Variants in LRRC7 observed in about 807,000 individuals in gnomAD.
The protein encoded by LRRC7 is leucine-rich repeat-containing protein 7.
LRRC7 carries 23 observed loss-of-function variants against 175.7 expected under a neutral mutation model. That is an observed-to-expected ratio of 0.13 (90% CI 0.09 to 0.19). The LOEUF (loss-of-function observed/expected upper bound fraction) is 0.19, where lower values mean the gene tolerates loss of function less well. Ranked by LOEUF, LRRC7 falls within the 10% of genes least tolerant of loss-of-function variation. LRRC7 has a pLI of 1.00. For synonymous variants in LRRC7, 685 were observed against 680.9 expected, an observed-to-expected ratio of 1.01 and a Z score of -0.09; for missense variants, 1,354 against 1,904.7, an observed-to-expected ratio of 0.71 and a Z score of 5.38.
At chr1:69,959,409 A>G (rs1244340695) in intron 8 of LRRC7, among the ~76,000 whole-genome samples, 1 of 152,106 alleles carries the variant, frequency 6.6e-6, no homozygotes, top group African/African-American at 2.4e-5. Flanking sequence ...TGGCAGAGGA[A>G]TTCTAGGATA....
chr1:69,729,761 C>T (rs1667363233), intron 2 of LRRC7, among the ~76,000 whole-genome samples: 1 of 152,168 alleles, frequency 6.6e-6, no homozygotes, highest in Non-Finnish European at 1.5e-5. Flanking sequence ...GACAGTGGCC[C>T]ACTTCTCACA....
chr1:70,053,015 T>C lies in LRRC7; in HGVS notation c.4111-11T>C. On this transcript the variant is annotated splice_polypyrimidine_tract_variant and intron_variant, in intron 22 of 26. Coordinates refer to ENST00000651989, the MANE Select transcript of LRRC7 (RefSeq NM_001370785.2). Reference sequence around the variant, plus strand: ...ACATCACTAAAGAATGCCATACCATTTTTGCAATAGACCCCGTCCCAGCAA... The same window carrying C: ...ACATCACTAAAGAATGCCATACCATCTTTGCAATAGACCCCGTCCCAGCAA... 6.3e-7 allele frequency: 1 copy of C among 1,590,270 alleles called. No homozygotes were observed. The highest frequency in any genetic ancestry group is 8.6e-7 in the Non-Finnish European group (1 of 1,168,950).
chr1:70,012,114 C>T (rs1191715615), intron 12 of LRRC7, among the ~76,000 whole-genome samples, 188 bp downstream of exon 12: 1 of 151,652 alleles, frequency 6.6e-6, no homozygotes, highest in African/African-American at 2.4e-5. Flanking sequence ...CCAGAAATTG[C>T]ATTTGACTTA....
At chr1:70,079,702 G>T (rs1355777209) in intron 24 of LRRC7, among the ~76,000 whole-genome samples, 1 of 152,158 alleles carries the variant, frequency 6.6e-6, no homozygotes, top group African/African-American at 2.4e-5. Context: ...TCACACACAG[G>T]TCTGGCATCA....
intron 1 of LRRC7, among the ~76,000 whole-genome samples, chr1:69,624,508 T>A (rs1415880173): frequency 1.3e-5 from 2 of 152,114 alleles, no homozygotes; most frequent in African/African-American, 4.8e-5. Context: ...AGGGTTAAAT[T>A]TTTTTAATAT....
chr1:69,659,946 G>C lies in LRRC7; in HGVS notation c.3-18435G>C, dbSNP rs980579366. Among the ~76,000 whole-genome samples, 16 of 140,946 alleles carry C rather than the reference G, an allele frequency of 1.1e-4. No individual in the cohort carries two copies. In the East Asian group the frequency reaches 3.6e-3, roughly 32 times the overall value. 92.5% of individuals were successfully genotyped at this position (140,946 alleles called of 152,430 possible). ...AATCTGTATAAATAGCACAAAATAA[G>C]ATAGTAGACTTAAATTCAAGTTATC... On this transcript the variant is annotated intron_variant, in intron 1 of 26. Transcript: ENST00000651989.
At position 69,732,952 on chromosome 1, in the gene LRRC7, G is replaced by A. The variant is rs537141680; in HGVS notation, c.101-27239G>A. Among the ~76,000 whole-genome samples, 37 of 152,144 alleles carry A rather than the reference G, an allele frequency of 2.4e-4. No individual in the cohort carries two copies. In the South Asian group the frequency reaches 7.1e-3, roughly 29 times the overall value. ...GAATTGATCCAGAGGCTCTGTGCCA[G>A]GCAAATGTGATAGGGATATCTGATT... On this transcript the variant is annotated intron_variant, in intron 2 of 26. Transcript: ENST00000651989.
In LRRC7 at chr1:69,733,371, C is replaced by T. The variant is rs147080273; in HGVS notation, c.101-26820C>T. Among the ~76,000 whole-genome samples the T allele has an allele frequency of 2.1e-3, 312 of 152,036 alleles. 3 individuals carry two copies. Among genetic ancestry groups the T allele is most frequent in the African/African-American group, 6.9e-3 (287 of 41,504 alleles). ...AGATTATATGAAATGGCACATTATT[C>T]ACCCAGGGACAGAGAAGAGAGTGTA... On this transcript the variant is annotated intron_variant, in intron 2 of 26. Transcript: ENST00000651989.
At chr1:69,801,077 A>G (rs546656944) in intron 4 of LRRC7, among the ~76,000 whole-genome samples, 18 of 151,702 alleles carry the variant, frequency 1.2e-4, no homozygotes, top group Middle Eastern at 3.4e-3. Flanking sequence ...CACACTTTGA[A>G]TAAAACCAAC....
chr1:70,074,500 A>G (rs1427239718), intron 23 of LRRC7, among the ~76,000 whole-genome samples: 1 of 152,236 alleles, frequency 6.6e-6, no homozygotes, highest in Non-Finnish European at 1.5e-5. Flanking sequence ...TCTTAGTTGT[A>G]TTTATGAGGT....
intron 2 of LRRC7, among the ~76,000 whole-genome samples, chr1:69,698,339 C>T (rs1471997811): frequency 6.6e-6 from 1 of 152,066 alleles, no homozygotes. Flanking sequence ...TTAGTTTCAA[C>T]CCCCAGCACT....
chr1:69,954,873 G>C (rs940324052), intron 8 of LRRC7, among the ~76,000 whole-genome samples: 8 of 151,988 alleles, frequency 5.3e-5, no homozygotes, highest in African/African-American at 1.7e-4. Context: ...TCACTGATCT[G>C]ATAAATAGTT....
chr1:69,841,181 C>T (rs1553163087), intron 7 of LRRC7, among the ~76,000 whole-genome samples: 1 of 151,952 alleles, frequency 6.6e-6, no homozygotes, highest in Non-Finnish European at 1.5e-5. Context: ...TGGTGATAGA[C>T]TGGAAGCTTT....
In LRRC7 at chr1:70,116,512, A is replaced by C. The variant is rs1464742325; in HGVS notation, c.4621-5268A>C. ...CAGTGAGCCAAGATCGCGCCACTGC[A>C]CTCTAGCCTGGGCGACAGAGCAAGA... On this transcript the variant is annotated intron_variant, in intron 26 of 26. Coordinates refer to ENST00000651989, the MANE Select transcript of LRRC7 (RefSeq NM_001370785.2). Among the ~76,000 whole-genome samples, 4 of 145,502 alleles carry C rather than the reference A, an allele frequency of 2.7e-5. No homozygotes were observed. The East Asian group carries it at 8.1e-4, about 30-fold the overall frequency.
chr1:69,573,878 T>G (rs1645836700), intron 1 of LRRC7, among the ~76,000 whole-genome samples: 2 of 152,162 alleles, frequency 1.3e-5, no homozygotes, highest in African/African-American at 4.8e-5. Flanking sequence ...AACATTGACA[T>G]GATGTGTTTA....
At chr1:69,990,444 ATTAAT>A (rs1483742918) in intron 10 of LRRC7, among the ~76,000 whole-genome samples, 2 of 152,048 alleles carry the variant, frequency 1.3e-5, no homozygotes, top group Non-Finnish European at 2.9e-5. Context: ...GGTAAATTAA[ATTAAT>A]TAAATTACTC....
chr1:69,735,539 C>T (rs1668017007), intron 2 of LRRC7, among the ~76,000 whole-genome samples: 1 of 152,030 alleles, frequency 6.6e-6, no homozygotes, highest in African/African-American at 2.4e-5. Flanking sequence ...CTAAATTTGA[C>T]CACTTAGTGG....
chr1:69,832,063 C>A (rs1332523321), intron 5 of LRRC7, among the ~76,000 whole-genome samples: 1 of 152,042 alleles, frequency 6.6e-6, no homozygotes, highest in East Asian at 1.9e-4. Context: ...TTAGATTCCC[C>A]AGAAGCAGAC....
At chr1:69,907,657 A>G (rs921863077) in intron 7 of LRRC7, among the ~76,000 whole-genome samples, 10 of 152,030 alleles carry the variant, frequency 6.6e-5, no homozygotes, top group African/African-American at 1.9e-4. Flanking sequence ...GCTGGATTCG[A>G]TTTGCCAGTA....
Sources: allele counts gnomAD v4.1 joint callset (sites outside exome capture counted in the v4.1 genomes callset), GRCh38; gene constraint gnomAD v4.1.1; transcripts MANE v1.5; gene names NCBI Gene and HGNC (gene_info 2026-07-23, HGNC 2026-07-21).